Variants in DNAJC18 observed in about 807,000 individuals in gnomAD.
DNAJC18 encodes the protein dnaJ homolog subfamily C member 18.
Under a neutral mutation model 48.6 loss-of-function variants are expected in DNAJC18, and 40 were observed. The observed-to-expected ratio is 0.82, with a 90% CI of 0.64 to 1.07. The LOEUF (loss-of-function observed/expected upper bound fraction) is 1.07, where lower values mean the gene tolerates loss of function less well. Ranked by LOEUF, DNAJC18 falls within the 50% of genes least tolerant of loss-of-function variation. DNAJC18 has a pLI of 0.00. For synonymous variants in DNAJC18, 135 were observed against 152.2 expected (o/e 0.89, Z 0.83); for missense variants, 340 against 427.7 (o/e 0.79, Z 1.81).
Position 139,437,511 on chromosome 5 carries a change from G to A in DNAJC18, c.88C>T (p.Pro30Ser). 3.1e-6 allele frequency: 5 copies of A among 1,613,956 alleles called. No individual in the cohort carries two copies. The highest frequency in any genetic ancestry group is 2.7e-5 in the African/African-American group (2 of 75,046). ...RRNKYPEDTP[P>S]ESHDPCGCCN... ...CAGCCACAGGGGTCATGACTCTCAGGAGGTGTGTCTTCTGGGTATTTGTTT... is the reference window on the plus strand; with the variant it reads ...CAGCCACAGGGGTCATGACTCTCAGAAGGTGTGTCTTCTGGGTATTTGTTT... Residue 30 changes from proline to serine, a missense_variant, in exon 2 of 8, where the codon CCT (proline) becomes TCT (serine). Pro to Ser is a moderately conservative substitution (Grantham distance 74). Transcript: ENST00000302060.
In DNAJC18 at chr5:139,432,701, C is replaced by A. The variant is rs192215616; in HGVS notation, c.228-4018G>T. 8.5e-5 allele frequency among the ~76,000 whole-genome samples: 13 copies of A among 152,318 alleles called. No homozygotes were observed. In the East Asian group the frequency reaches 2.5e-3, roughly 29 times the overall value. ...CTTCCTGACTTCACGAAGAAAATAT[C>A]AATGGAGCCAGTCCAGAAAAAGGGC... On this transcript the variant is annotated intron_variant, in intron 2 of 7. Transcript: ENST00000302060.
Position 139,439,468 on chromosome 5 carries a change from C to A in DNAJC18, c.-23G>T, listed in dbSNP as rs759754489. On this transcript the variant is annotated 5_prime_UTR_variant, in exon 1 of 8. Transcript: ENST00000302060. This position sits in a 1 kb window ranked among gnomAD's most constrained non-coding sequence, Gnocchi z 4.1. ...CATATCGGTTCCCAATCAGCAGGTCCGCCGAGCCTCCCCCGTGCCCGAGGC... is the reference window on the plus strand; with the variant it reads ...CATATCGGTTCCCAATCAGCAGGTCAGCCGAGCCTCCCCCGTGCCCGAGGC... The A allele has an allele frequency of 9.8e-5, 158 of 1,613,742 alleles. No homozygotes were observed. The highest frequency in any genetic ancestry group is 1.3e-4 in the Non-Finnish European group (154 of 1,179,948).
chr5:139,419,955 G>A (rs1022002277), intron 7 of DNAJC18, 98 bp downstream of exon 7: 11 of 1,233,076 alleles, frequency 8.9e-6, no homozygotes, highest in East Asian at 5.3e-5. Context: ...ATAAACATGC[G>A]TAGCCTCAAA....
In DNAJC18 at chr5:139,412,869, G is replaced by A. The variant is rs573252683; in HGVS notation, c.*1279C>T. ...TGCCACAGAAAAGATGAGGGGTCAT[G>A]GGGTTGGGGAGGACGGAGGCATCCT... On this transcript the variant is annotated 3_prime_UTR_variant, in exon 8 of 8. Coordinates refer to ENST00000302060, the MANE Select transcript of DNAJC18 (RefSeq NM_152686.4). 1.8e-5 allele frequency: 7 copies of A among 398,678 alleles called. No individual in the cohort carries two copies. Among genetic ancestry groups the A allele is most frequent in the African/African-American group, 1.2e-4 (6 of 48,758 alleles). The allele number at this position is 398,678 out of a possible 1,614,324, so 24.7% of individuals were successfully genotyped here.
At chr5:139,421,717 T>A (rs1043150828) in intron 6 of DNAJC18, among the ~76,000 whole-genome samples, 2 of 151,590 alleles carry the variant, frequency 1.3e-5, no homozygotes, top group African/African-American at 4.9e-5. Context: ...CTGAGGCACA[T>A]GAATTCCTTG....
At position 139,412,868 on chromosome 5, in the gene DNAJC18, T is replaced by C. The variant is rs557875237; in HGVS notation, c.*1280A>G. The stretch of plus-strand genomic sequence containing the variant: ...TTGCCACAGAAAAGATGAGGGGTCA[T>C]GGGGTTGGGGAGGACGGAGGCATCC... On this transcript the variant is annotated 3_prime_UTR_variant, in exon 8 of 8. Coordinates refer to ENST00000302060, the MANE Select transcript of DNAJC18 (RefSeq NM_152686.4). The C allele has an allele frequency of 7.5e-6, 3 of 398,570 alleles. No individual in the cohort carries two copies. The highest frequency in any genetic ancestry group is 2.5e-4 in the South Asian group (2 of 7,852). The allele number at this position is 398,570 out of a possible 1,614,324, so 24.7% of individuals were successfully genotyped here. A position where few individuals can be genotyped will look rare whatever the true frequency, so the allele number is the denominator to read the frequency against.
At position 139,428,596 on chromosome 5, in the gene DNAJC18, G is replaced by A. The variant is rs374895452; in HGVS notation, c.315C>T (p.Leu105=). The stretch of plus-strand genomic sequence containing the variant: ...TCTTGTCAGGGTGAAATTTCAGGGC[G>A]AGTTTTCTGTAAGCTTTCTTAAGCT... The part of the protein sequence containing the change: ...DEELKKAYRK[L]ALKFHPDKNC... The change falls in exon 3 of 8, where the codon CTC becomes CTT. Residue 105 remains leucine (L), a synonymous_variant. Coordinates refer to ENST00000302060, the MANE Select transcript of DNAJC18 (RefSeq NM_152686.4). The A allele has an allele frequency of 6.2e-6, 10 of 1,613,794 alleles. No homozygotes were observed. The highest frequency in any genetic ancestry group is 4.0e-5 in the African/African-American group (3 of 74,840).
intron 2 of DNAJC18, among the ~76,000 whole-genome samples, chr5:139,432,148 G>C (rs139679964): frequency 1.3e-5 from 2 of 151,222 alleles, no homozygotes; most frequent in African/African-American, 4.8e-5. Context: ...CTCCCATTCT[G>C]TGGGTTGACT....
chr5:139,431,572 G>A (rs887594266), intron 2 of DNAJC18, among the ~76,000 whole-genome samples: 1 of 152,162 alleles, frequency 6.6e-6, no homozygotes, highest in Non-Finnish European at 1.5e-5. Flanking sequence ...TCATTGTATG[G>A]ATATACACCA....
chr5:139,419,493 A>G (rs1291175095), intron 7 of DNAJC18, among the ~76,000 whole-genome samples: 1 of 152,254 alleles, frequency 6.6e-6, no homozygotes, highest in Admixed American at 6.5e-5. Flanking sequence ...CTCATTCCAT[A>G]CCAGAAACCT....
chr5:139,429,291 T>C (rs1322558089), intron 2 of DNAJC18, among the ~76,000 whole-genome samples: 5 of 151,934 alleles, frequency 3.3e-5, no homozygotes, highest in Admixed American at 3.3e-4. Context: ...ACCATATTGG[T>C]TAGGCTGGTC....
chr5:139,439,515 G>A lies in DNAJC18; in HGVS notation c.-70C>T, dbSNP rs1750751242. 2.5e-6 allele frequency: 4 copies of A among 1,611,702 alleles called. No individual in the cohort carries two copies. The highest frequency in any genetic ancestry group is 3.4e-6 in the Non-Finnish European group (4 of 1,178,796). Reference sequence around the variant, plus strand: ...AGGCTGAAAGAGAAGGGGGCGCGGAGCGCGGGGCACGCTGGTCATTGTAGT... The same window carrying A: ...AGGCTGAAAGAGAAGGGGGCGCGGAACGCGGGGCACGCTGGTCATTGTAGT... On this transcript the variant is annotated 5_prime_UTR_variant, in exon 1 of 8. Transcript: ENST00000302060. The surrounding 1 kb of genome is among the most constrained non-coding windows in gnomAD (Gnocchi z 4.1).
At chr5:139,427,722 C>A (rs1245858769) in intron 3 of DNAJC18, among the ~76,000 whole-genome samples, 1 of 152,212 alleles carries the variant, frequency 6.6e-6, no homozygotes, top group Non-Finnish European at 1.5e-5. Flanking sequence ...TCATCCAATG[C>A]ATCCATGCAA....
At chr5:139,432,168 CTTT>C (rs199837821) in intron 2 of DNAJC18, among the ~76,000 whole-genome samples, 1 of 143,608 alleles carries the variant, frequency 7.0e-6, no homozygotes. Flanking sequence ...TTTTCACATT[CTTT>C]TTTTTTTTTT....
In DNAJC18 at chr5:139,411,701, A is replaced by T. The variant is rs1758998193; in HGVS notation, c.*2447T>A. ...AAACAGTACCATCGGTGCTATAAAAACAGACAATCAGCGTGACATTTAATG... is the reference window on the plus strand; with the variant it reads ...AAACAGTACCATCGGTGCTATAAAATCAGACAATCAGCGTGACATTTAATG... On this transcript the variant is annotated 3_prime_UTR_variant, in exon 8 of 8. Coordinates refer to ENST00000302060, the MANE Select transcript of DNAJC18 (RefSeq NM_152686.4). 1 of 152,174 alleles carries T rather than the reference A, an allele frequency of 6.6e-6. No homozygotes were observed. Among genetic ancestry groups the T allele is most frequent in the African/African-American group, 2.4e-5 (1 of 41,438 alleles). 9.4% of individuals were successfully genotyped at this position (152,174 alleles called of 1,614,324 possible). A position where few individuals can be genotyped will look rare whatever the true frequency, so the allele number is the denominator to read the frequency against.
At chr5:139,420,027 C>G in intron 7 of DNAJC18, 26 bp downstream of exon 7, 2 of 1,523,048 alleles carry the variant, frequency 1.3e-6, no homozygotes, top group Non-Finnish European at 1.8e-6. Context: ...CAGCCACCAG[C>G]TAATGCCCCT....
At chr5:139,415,221 TG>T (rs1759054405) in intron 7 of DNAJC18, among the ~76,000 whole-genome samples, 1 of 152,258 alleles carries the variant, frequency 6.6e-6, no homozygotes, top group African/African-American at 2.4e-5. Context: ...TGACAGATTT[TG>T]TTTTTCTTGG....
chr5:139,419,168 A>G (rs1158546244), intron 7 of DNAJC18: 2 of 445,696 alleles, frequency 4.5e-6, no homozygotes, highest in South Asian at 3.2e-5. Flanking sequence ...TTAAAAGGGT[A>G]CCTCCTGAAA....
chr5:139,424,591 G>A (rs371005744), intron 5 of DNAJC18, among the ~76,000 whole-genome samples: 2 of 151,674 alleles, frequency 1.3e-5, no homozygotes, highest in African/African-American at 4.8e-5. Flanking sequence ...ATGGTGGCAC[G>A]CACCTATAGT....
Sources: gnomAD v4.1 joint callset for allele counts (sites outside exome capture counted in the v4.1 genomes callset) on GRCh38, gnomAD v4.1.1 for gene constraint, Gnocchi (gnomAD v3.1) non-coding constraint, MANE v1.5 for transcripts, NCBI Gene and HGNC (gene_info 2026-07-23, HGNC 2026-07-21) for gene names.